Variants in SLC9C2 observed in about 807,000 individuals in gnomAD.
SLC9C2 encodes the protein sodium/hydrogen exchanger 11.
Under a neutral mutation model 140.2 loss-of-function variants are expected in SLC9C2, and 75 were observed. The observed-to-expected ratio is 0.53, with a 90% confidence interval of 0.44 to 0.65. SLC9C2 has a LOEUF of 0.65. Ranked by LOEUF, SLC9C2 falls within the 30% of genes least tolerant of loss-of-function variation. SLC9C2 has a pLI of 0.00. For synonymous variants in SLC9C2, 375 were observed against 420.9 expected, an observed-to-expected ratio of 0.89 and a Z score of 1.34; for missense variants, 1,074 against 1,331.8, an observed-to-expected ratio of 0.81 and a Z score of 3.01.
rs1661012462 is a variant in SLC9C2 at position 173,523,977 on chromosome 1, A to G, written c.2632T>C (p.Phe878Leu). Residue 878 changes from phenylalanine (F) to leucine (L), a missense_variant, in exon 21 of 28, where the codon TTC (phenylalanine) becomes CTC (leucine). Physicochemically the swap from Phe to Leu is conservative, Grantham distance 22. Transcript: ENST00000367714. ...WLEGKDVLID[F>L]FKERAKLACF... ...GAAAACGGAATCTTTACCTTGAAGA[A>G]GTCAATGAGAACATCTTTACCTTCC... The G allele has an allele frequency of 3.1e-6, 5 of 1,609,246 alleles. No homozygotes were observed. The East Asian group carries it at 8.9e-5, about 29-fold the overall frequency.
In SLC9C2 at chr1:173,527,817, G is replaced by T. The variant is rs566382369; in HGVS notation, c.2314-1103C>A. ...TTAAGCAAAGTTAAGTTTTTGTGGG[G>T]TTTTTTTGTTGTCTTTGTTTTGGTT... On this transcript the variant is annotated intron_variant, in intron 18 of 27. Coordinates refer to ENST00000367714, the MANE Select transcript of SLC9C2 (RefSeq NM_178527.4). Among the ~76,000 whole-genome samples the T allele has an allele frequency of 8.7e-4, 133 of 152,212 alleles. 1 individual carries two copies. The highest frequency in any genetic ancestry group is 3.0e-3 in the African/African-American group (123 of 41,544).
chr1:173,599,005 G>C (rs1477719296), intron 3 of SLC9C2, among the ~76,000 whole-genome samples: 1 of 152,208 alleles, frequency 6.6e-6, no homozygotes, highest in Non-Finnish European at 1.5e-5. Context: ...ATGTTTTCTT[G>C]TATCTATGGT....
At chr1:173,574,290 A>G (rs937957407) in intron 8 of SLC9C2, among the ~76,000 whole-genome samples, 1 of 152,170 alleles carries the variant, frequency 6.6e-6, no homozygotes, top group African/African-American at 2.4e-5. Context: ...AGCATAAGGA[A>G]GCCTCGTTTT....
At chr1:173,566,782 G>GTTT (rs201850319) in intron 9 of SLC9C2, among the ~76,000 whole-genome samples, 2 of 142,440 alleles carry the variant, frequency 1.4e-5, no homozygotes, top group Admixed American at 6.9e-5. Flanking sequence ...TTTGCTTGGA[G>GTTT]TTTTTTTTTT....
At chr1:173,582,934 A>G (rs1262526035) in intron 6 of SLC9C2, among the ~76,000 whole-genome samples, 1 of 152,244 alleles carries the variant, frequency 6.6e-6, no homozygotes, top group Non-Finnish European at 1.5e-5. Flanking sequence ...GCGAGCTGAC[A>G]CTATATGTGT....
intron 7 of SLC9C2, among the ~76,000 whole-genome samples, chr1:173,577,521 T>C (rs919912174): frequency 9.9e-5 from 15 of 152,144 alleles, no homozygotes; most frequent in Non-Finnish European, 1.6e-4. Context: ...AAATAGCACA[T>C]TAAAACCGTC....
In SLC9C2 at chr1:173,529,914, T is replaced by C. The variant is rs1321009571; in HGVS notation, c.2304A>G (p.Ser768=). The C allele has an allele frequency of 6.2e-7, 1 of 1,608,088 alleles. No homozygotes were observed. The highest frequency in any genetic ancestry group is 1.1e-5 in the South Asian group (1 of 89,468). The change falls in exon 18 of 28, where the codon TCA becomes TCG. Residue 768 remains serine, a synonymous_variant. Coordinates refer to ENST00000367714, the MANE Select transcript of SLC9C2 (RefSeq NM_178527.4). ...AGTGCTTGTTTCTCACCTGATATAT[T>C]GATTCACAGACAGCTATTTGTTTTA... ...LLIKQIAVCE[S]IYQKLCEILE...
At chr1:173,541,271 C>T (rs563799610) in intron 13 of SLC9C2, among the ~76,000 whole-genome samples, 1 of 152,084 alleles carries the variant, frequency 6.6e-6, no homozygotes, top group East Asian at 1.9e-4. Flanking sequence ...GCGGCCATTA[C>T]ATAATGGTAA....
intron 3 of SLC9C2, 70 bp downstream of exon 3, chr1:173,600,047 G>A (rs770763453): frequency 2.3e-4 from 217 of 952,754 alleles, no homozygotes; most frequent in Non-Finnish European, 3.2e-4. Flanking sequence ...TGCATTCAGG[G>A]ATGAGATGGG....
chr1:173,539,915 C>T (rs972867910), intron 13 of SLC9C2, among the ~76,000 whole-genome samples: 1 of 152,158 alleles, frequency 6.6e-6, no homozygotes, highest in African/African-American at 2.4e-5. Flanking sequence ...GTGTGTCATG[C>T]CTCTCTGTGT....
intron 9 of SLC9C2, among the ~76,000 whole-genome samples, chr1:173,558,349 G>GGTTGGTAAAGGTAAAGGGAA (rs1663855106): frequency 6.6e-6 from 1 of 152,056 alleles, no homozygotes; most frequent in African/African-American, 2.4e-5. Context: ...AACCTTTTCA[G>GGTTGGTAAAGGTAAAGGGAA]GCTTACTAAA....
chr1:173,530,533 C>T (rs1163330713), intron 17 of SLC9C2, among the ~76,000 whole-genome samples: 1 of 152,110 alleles, frequency 6.6e-6, no homozygotes, highest in African/African-American at 2.4e-5. Context: ...TATATTTCTC[C>T]AATCATAAGC....
intron 19 of SLC9C2, among the ~76,000 whole-genome samples, chr1:173,525,549 G>A (rs1661136397): frequency 6.6e-6 from 1 of 152,208 alleles, no homozygotes; most frequent in South Asian, 2.1e-4. Flanking sequence ...AAATACACCT[G>A]GGCTAGAAAC....
chr1:173,517,459 C>T (rs1255087890), intron 23 of SLC9C2, 78 bp downstream of exon 23: 2 of 1,409,048 alleles, frequency 1.4e-6, no homozygotes, highest in Admixed American at 4.9e-5. Context: ...ATGTCAAAAC[C>T]CCAAAAAAGA....
intron 4 of SLC9C2, among the ~76,000 whole-genome samples, chr1:173,590,761 G>A (rs1248461720): frequency 6.6e-6 from 1 of 152,156 alleles, no homozygotes; most frequent in Non-Finnish European, 1.5e-5. Flanking sequence ...TACACAGTGG[G>A]TATGCTGGCC....
At chr1:173,547,192 T>A (rs1324610308) in intron 13 of SLC9C2, among the ~76,000 whole-genome samples, 1 of 152,090 alleles carries the variant, frequency 6.6e-6, no homozygotes, top group East Asian at 1.9e-4. Flanking sequence ...CAAGCTGGTA[T>A]AAACTTGATT....
chr1:173,567,615 C>T (rs1178102059), intron 9 of SLC9C2, among the ~76,000 whole-genome samples: 1 of 151,968 alleles, frequency 6.6e-6, no homozygotes, highest in Non-Finnish European at 1.5e-5. Context: ...ATTAATTCAT[C>T]CACTCTGTCT....
At chr1:173,546,464 C>T (rs1183200291) in intron 13 of SLC9C2, among the ~76,000 whole-genome samples, 1 of 152,164 alleles carries the variant, frequency 6.6e-6, no homozygotes, top group Non-Finnish European at 1.5e-5. Context: ...ACTTGTAATT[C>T]CAGCTACCAG....
chr1:173,592,056 A>T (rs774137160), intron 4 of SLC9C2, among the ~76,000 whole-genome samples: 5 of 152,296 alleles, frequency 3.3e-5, no homozygotes, highest in Non-Finnish European at 5.9e-5. Flanking sequence ...TGATGTAAGA[A>T]AGGGGTCCAA....
Sources: gnomAD v4.1 joint callset for allele counts (sites outside exome capture counted in the v4.1 genomes callset) on GRCh38, gnomAD v4.1.1 for gene constraint, MANE v1.5 for transcripts, NCBI Gene and HGNC (gene_info 2026-07-23, HGNC 2026-07-21) for gene names.